The following ALKBH3 variants were observed in gnomAD, a reference collection of about 807,000 sequenced individuals.
ALKBH3 encodes alkB homolog 3, alpha-ketoglutarate dependent dioxygenase, also known as alpha-ketoglutarate-dependent dioxygenase alkB homolog 3.
A neutral mutation model predicts 43.9 loss-of-function variants in ALKBH3; 51 were observed. The ratio of observed to expected loss-of-function variants is 1.16; its 90% CI spans 0.93 to 1.47. The LOEUF is 1.47. ALKBH3 is among the 40% of genes most tolerant of loss of function. The probability of loss-of-function intolerance (pLI) is 0.00; values close to 1 mark genes in which losing one functional copy is unlikely to be tolerated. For synonymous variants in ALKBH3, 102 were observed against 115.2 expected (o/e 0.89, Z 0.73); for missense variants, 361 against 351.9 (o/e 1.03, Z -0.21).
chr11:43,914,449 T>C (rs2135205836), intron 8 of ALKBH3, among the ~76,000 whole-genome samples: 1 of 152,156 alleles, frequency 6.6e-6, no homozygotes, highest in Non-Finnish European at 1.5e-5. Context: ...GATGCTTTGG[T>C]TTAAGTACCT....
At chr11:43,896,268 T>TAC (rs71035662) in intron 7 of ALKBH3, among the ~76,000 whole-genome samples, 13,759 of 147,238 alleles carry the variant, frequency 0.093, 1,016 homozygotes, top group African/African-American at 0.22. Context: ...ATAGGATAGA[T>TAC]ACACACACAC....
chr11:43,906,703 TA>T (rs1267118473), intron 8 of ALKBH3, among the ~76,000 whole-genome samples: 1 of 152,146 alleles, frequency 6.6e-6, no homozygotes, highest in Non-Finnish European at 1.5e-5. Flanking sequence ...GTAAATAAAA[TA>T]AATACAAGTA....
At chr11:43,883,525 T>C (rs12417307) in intron 3 of ALKBH3, among the ~76,000 whole-genome samples, 7,522 of 152,298 alleles carry the variant, frequency 0.049, 449 homozygotes, top group Admixed American at 0.2. Context: ...TGGAATTGGA[T>C]TAAAATTTCA....
chr11:43,885,760 C>T (rs1255381836), intron 4 of ALKBH3, among the ~76,000 whole-genome samples: 1 of 152,090 alleles, frequency 6.6e-6, no homozygotes, highest in Non-Finnish European at 1.5e-5. Flanking sequence ...ACCCCACAGT[C>T]TATAAAATAA....
chr11:43,906,698 T>C (rs1348773038), intron 8 of ALKBH3, among the ~76,000 whole-genome samples: 1 of 152,056 alleles, frequency 6.6e-6, no homozygotes, highest in Non-Finnish European at 1.5e-5. Flanking sequence ...TTAAAGTAAA[T>C]AAAATAAATA....
At chr11:43,882,897 T>C (rs1590364064) in intron 2 of ALKBH3, 166 bp downstream of exon 2, 1 of 894,834 alleles carries the variant, frequency 1.1e-6, no homozygotes, top group African/African-American at 1.7e-5. Flanking sequence ...GAGCTAAGGG[T>C]GGGTCTTTAA....
intron 7 of ALKBH3, chr11:43,898,039 A>T: frequency 1.1e-6 from 1 of 917,992 alleles, no homozygotes; most frequent in Non-Finnish European, 1.8e-6. Context: ...AGCAGCGTCC[A>T]TGGCTGTTGT....
chr11:43,914,724 A>G (rs1026412760), intron 8 of ALKBH3, among the ~76,000 whole-genome samples: 2 of 152,238 alleles, frequency 1.3e-5, no homozygotes, highest in African/African-American at 4.8e-5. Flanking sequence ...CCATAAGTAC[A>G]GTTAAAAGGC....
chr11:43,898,917 G>T (rs570983035), intron 7 of ALKBH3: 3 of 748,156 alleles, frequency 4.0e-6, no homozygotes, highest in East Asian at 2.5e-5. Flanking sequence ...AGTGCCAGAG[G>T]GTGGACTGGT....
At chr11:43,911,158 G>A (rs1951935614) in intron 8 of ALKBH3, among the ~76,000 whole-genome samples, 1 of 152,226 alleles carries the variant, frequency 6.6e-6, no homozygotes, top group Non-Finnish European at 1.5e-5. Flanking sequence ...GCAAGAGTAG[G>A]AGACTAAAAG....
intron 1 of ALKBH3, 58 bp from the exon 2 acceptor site, chr11:43,882,525 G>A: frequency 2.7e-6 from 2 of 730,824 alleles, no homozygotes; most frequent in Non-Finnish European, 4.4e-6. Flanking sequence ...TTATGCCTTA[G>A]GAGTAATTGT....
intron 8 of ALKBH3, among the ~76,000 whole-genome samples, chr11:43,907,829 T>C (rs1012141731): frequency 2.0e-5 from 3 of 152,170 alleles, no homozygotes; most frequent in Admixed American, 1.3e-4. Context: ...TTTTGTTTTA[T>C]GTCCATCAGG....
At chr11:43,917,728 C>G (rs541820884) in intron 8 of ALKBH3, among the ~76,000 whole-genome samples, 1 of 152,076 alleles carries the variant, frequency 6.6e-6, no homozygotes, top group African/African-American at 2.4e-5. Context: ...TTCCCACTGC[C>G]CTCTGGTTGT....
At chr11:43,918,846 A>G in intron 8 of ALKBH3, 192 bp from the exon 9 acceptor site, 1 of 538,034 alleles carries the variant, frequency 1.9e-6, no homozygotes. Context: ...CCATTTTACA[A>G]ATGAGTAAGT....
chr11:43,908,903 G>A (rs1208274616), intron 8 of ALKBH3, among the ~76,000 whole-genome samples: 1 of 152,154 alleles, frequency 6.6e-6, no homozygotes, highest in Non-Finnish European at 1.5e-5. Flanking sequence ...CCTCCCAAAC[G>A]CTCTTAAGTT....
chr11:43,891,619 A>C (rs1369867213), intron 6 of ALKBH3, among the ~76,000 whole-genome samples: 1 of 152,200 alleles, frequency 6.6e-6, no homozygotes, highest in African/African-American at 2.4e-5. Context: ...TTTACACAAC[A>C]TTGCACACAT....
intron 7 of ALKBH3, among the ~76,000 whole-genome samples, chr11:43,895,197 C>G (rs753438228): frequency 5.3e-5 from 8 of 152,120 alleles, no homozygotes; most frequent in Admixed American, 5.2e-4. Context: ...TTCTTCACTG[C>G]GAAACATATA....
intron 7 of ALKBH3, chr11:43,898,487 G>T: frequency 1.0e-6 from 1 of 955,318 alleles, no homozygotes; most frequent in South Asian, 1.3e-5. Context: ...GACACCAACG[G>T]CTTGGTGAGA....
At chr11:43,884,102 G>T in intron 4 of ALKBH3, 85 bp downstream of exon 4, 2 of 1,502,184 alleles carry the variant, frequency 1.3e-6, no homozygotes, top group South Asian at 1.1e-5. Context: ...TTTCTATCTG[G>T]AAGAGAATGG....
Sources: gnomAD v4.1 joint callset for allele counts (sites outside exome capture counted in the v4.1 genomes callset) on GRCh38, gnomAD v4.1.1 for gene constraint, MANE v1.5 for transcripts, NCBI Gene and HGNC (gene_info 2026-07-23, HGNC 2026-07-21) for gene names.